RAMP1: variants seen among roughly 807,000 people sequenced by gnomAD.
The protein encoded by RAMP1 is receptor activity modifying protein 1, also known as receptor activity-modifying protein 1.
In RAMP1, 7 loss-of-function variants were observed where a neutral mutation model predicts 8.2. The observed-to-expected ratio is 0.85, with a 90% CI of 0.49 to 1.60. RAMP1 has a LOEUF of 1.60. Among genes scored for constraint, RAMP1 ranks in the 40% most tolerant of loss-of-function variants. The probability of loss-of-function intolerance (pLI) is 0.00; values close to 1 mark genes in which losing one functional copy is unlikely to be tolerated. For missense variants in RAMP1, 192 were observed against 202.4 expected, an observed-to-expected ratio of 0.95 and a Z score of 0.31; for synonymous variants, 92 against 84.7, an observed-to-expected ratio of 1.09 and a Z score of -0.47.
intron 2 of RAMP1, among the ~76,000 whole-genome samples, chr2:237,906,796 C>T (rs1196056065): frequency 7.1e-6 from 1 of 140,964 alleles, no homozygotes; most frequent in Admixed American, 7.6e-5. Flanking sequence ...GATCTCAACT[C>T]ACTGCAACCT....
At chr2:237,895,282 G>T (rs944435888) in intron 2 of RAMP1, among the ~76,000 whole-genome samples, 1 of 151,818 alleles carries the variant, frequency 6.6e-6, no homozygotes, top group African/African-American at 2.4e-5. Context: ...GGGGTCCTGT[G>T]GGGGGGTCAT....
intron 1 of RAMP1, 70 bp downstream of exon 1, chr2:237,859,797 G>GGGGAGCAGGT: frequency 7.3e-7 from 1 of 1,364,464 alleles, no homozygotes; most frequent in Admixed American, 3.0e-5. Flanking sequence ...GGGGAGAGGA[G>GGGGAGCAGGT]GGGAGCGGGT....
chr2:237,882,890 C>T (rs1045619726), intron 2 of RAMP1, among the ~76,000 whole-genome samples: 3 of 151,982 alleles, frequency 2.0e-5, no homozygotes, highest in Non-Finnish European at 4.4e-5. Context: ...TGAGGCTGAC[C>T]GGCAGGCAGC....
intron 2 of RAMP1, among the ~76,000 whole-genome samples, chr2:237,890,550 G>T (rs1347066185): frequency 2.6e-5 from 4 of 152,172 alleles, no homozygotes; most frequent in Non-Finnish European, 2.9e-5. Context: ...AAGTTTGAAT[G>T]AATTCATCAC....
At chr2:237,876,501 G>A (rs542224725) in intron 1 of RAMP1, among the ~76,000 whole-genome samples, 1 of 152,324 alleles carries the variant, frequency 6.6e-6, no homozygotes, top group Non-Finnish European at 1.5e-5. Flanking sequence ...TGGGGACAGT[G>A]GGAGGGCCAG....
chr2:237,897,757 T>C (rs1048129985), intron 2 of RAMP1, among the ~76,000 whole-genome samples: 1 of 123,732 alleles, frequency 8.1e-6, no homozygotes, highest in African/African-American at 2.9e-5. Context: ...ATTCTTCTTT[T>C]TTTGTTTGTT....
chr2:237,882,697 A>G (rs2062382890), intron 2 of RAMP1, among the ~76,000 whole-genome samples: 1 of 152,234 alleles, frequency 6.6e-6, no homozygotes, highest in African/African-American at 2.4e-5. Flanking sequence ...GGTCTCCAGT[A>G]GCAGCGAGGG....
intron 2 of RAMP1, among the ~76,000 whole-genome samples, chr2:237,896,650 T>A (rs994314888): frequency 1.3e-5 from 2 of 152,162 alleles, no homozygotes; most frequent in African/African-American, 4.8e-5. Context: ...TTAGACTTTG[T>A]TTTGTTTTGT....
At chr2:237,859,827 T>TG (rs2062115139) in intron 1 of RAMP1, 100 bp downstream of exon 1, 3 of 929,180 alleles carry the variant, frequency 3.2e-6, no homozygotes, top group Non-Finnish European at 4.2e-6. Flanking sequence ...TGGGAGCGGG[T>TG]GGGGGCGGGC....
intron 2 of RAMP1, among the ~76,000 whole-genome samples, chr2:237,909,594 C>T (rs1199457606): frequency 6.6e-6 from 1 of 152,094 alleles, no homozygotes; most frequent in East Asian, 1.9e-4. Context: ...CAGAAGGAGC[C>T]GGCGTGGTCT....
At position 237,878,664 on chromosome 2, in the gene RAMP1, T is replaced by C. The variant is rs371586253; in HGVS notation, c.191+1302T>C. On this transcript the variant is annotated intron_variant, in intron 2 of 2. Transcript: ENST00000254661. This position sits in a 1 kb window ranked among gnomAD's most constrained non-coding sequence, Gnocchi z 5.7. ...CTCCTCCCACCGGCCATGTGCTCTC[T>C]GCCCACTTCGTCCACCCCAGGGAAC... Among the ~76,000 whole-genome samples the C allele has an allele frequency of 3.0e-4, 45 of 152,372 alleles. No individual in the cohort carries two copies. In the South Asian group the frequency reaches 8.9e-3, roughly 30 times the overall value.
intron 2 of RAMP1, among the ~76,000 whole-genome samples, chr2:237,910,733 AAC>A (rs1186618797): frequency 2.0e-5 from 3 of 151,986 alleles, no homozygotes; most frequent in Admixed American, 6.6e-5. Flanking sequence ...GAATAACAGT[AAC>A]ACACAGTCAC....
chr2:237,886,839 C>G (rs61434511), intron 2 of RAMP1, among the ~76,000 whole-genome samples: 9,168 of 152,278 alleles, frequency 0.06, 911 homozygotes, highest in African/African-American at 0.21. Flanking sequence ...TGCGGTGACG[C>G]TAACCAGATC....
Position 237,877,127 on chromosome 2 carries a change from C to A in RAMP1, c.53-97C>A. 1 of 1,532,544 alleles carries A rather than the reference C, an allele frequency of 6.5e-7. No homozygotes were observed. The highest frequency in any genetic ancestry group is 8.9e-7 in the Non-Finnish European group (1 of 1,119,426). The allele number at this position is 1,532,544 out of a possible 1,614,324, so 94.9% of individuals were successfully genotyped here. On this transcript the variant is annotated intron_variant, in intron 1 of 2. Transcript: ENST00000254661. This position sits in a 1 kb window ranked among gnomAD's most constrained non-coding sequence, Gnocchi z 4.4. Reference sequence around the variant, plus strand: ...CCAGGGGTTGCTTAGAGGCCCCGTTCTCGTGGAGTCCGGGCTGCAGGGGCG... The same window carrying A: ...CCAGGGGTTGCTTAGAGGCCCCGTTATCGTGGAGTCCGGGCTGCAGGGGCG...
At chr2:237,911,327 G>A (rs1009813420) in intron 2 of RAMP1, among the ~76,000 whole-genome samples, 1 of 152,220 alleles carries the variant, frequency 6.6e-6, no homozygotes, top group Admixed American at 6.5e-5. Context: ...ACCACGGGCC[G>A]CCATGCAGGT....
At position 237,870,225 on chromosome 2, in the gene RAMP1, G is replaced by A. The variant is rs367982880; in HGVS notation, c.53-6999G>A. Among the ~76,000 whole-genome samples, 28 of 152,310 alleles carry A rather than the reference G, an allele frequency of 1.8e-4. No individual in the cohort carries two copies. The South Asian group carries it at 4.1e-3, about 23-fold the overall frequency. On this transcript the variant is annotated intron_variant, in intron 1 of 2. Transcript: ENST00000254661. ...CTGGTTTAACATCTGGTTTTCTTGT[G>A]GATTTTAATGTTGTTTACCAAATCC...
intron 1 of RAMP1, among the ~76,000 whole-genome samples, chr2:237,872,596 T>G (rs1413902432): frequency 3.9e-5 from 6 of 152,174 alleles, no homozygotes; most frequent in Admixed American, 2.0e-4. Context: ...TCACCATGCC[T>G]CCTACGTGTT....
In RAMP1 at chr2:237,903,096, C is replaced by T. The variant is rs1576556525; in HGVS notation, c.192-8432C>T. ...CTGGTCTTGAACTCCTGGCCTCAAG[C>T]GATCCTCCTGCCTCAGCCTCCCAAA... On this transcript the variant is annotated intron_variant, in intron 2 of 2. Coordinates refer to ENST00000254661, the MANE Select transcript of RAMP1 (RefSeq NM_005855.4). 2.0e-5 allele frequency among the ~76,000 whole-genome samples: 3 copies of T among 152,248 alleles called. 1 individual carries two copies. In the South Asian group the frequency reaches 6.2e-4, roughly 32 times the overall value.
chr2:237,865,044 G>T lies in RAMP1; in HGVS notation c.52+5317G>T, dbSNP rs1457322067. Among the ~76,000 whole-genome samples, 1 of 152,158 alleles carries T rather than the reference G, an allele frequency of 6.6e-6. No homozygotes were observed. Among genetic ancestry groups the T allele is most frequent in the Admixed American group, 6.5e-5 (1 of 15,276 alleles). On this transcript the variant is annotated intron_variant, in intron 1 of 2. Transcript: ENST00000254661. The surrounding 1 kb of genome is among the most constrained non-coding windows in gnomAD (Gnocchi z 4.2). ...TGAAGGACATTAAAGGGGGTGACAGGACAGAAGGTGTGGTTTAAAGGAGCC... is the reference window on the plus strand; with the variant it reads ...TGAAGGACATTAAAGGGGGTGACAGTACAGAAGGTGTGGTTTAAAGGAGCC...
Sources: allele counts gnomAD v4.1 joint callset (sites outside exome capture counted in the v4.1 genomes callset), GRCh38; gene constraint gnomAD v4.1.1; non-coding constraint Gnocchi (gnomAD v3.1); transcripts MANE v1.5; gene names NCBI Gene and HGNC (gene_info 2026-07-23, HGNC 2026-07-21).